The following PDE7B variants were observed in gnomAD, a reference collection of about 807,000 sequenced individuals.
The protein encoded by PDE7B is 3',5'-cyclic-AMP phosphodiesterase 7B.
PDE7B carries 29 observed loss-of-function variants against 56.2 expected under a neutral mutation model. The ratio of observed to expected loss-of-function variants is 0.52; its 90% CI spans 0.38 to 0.70. The LOEUF is 0.70. Ranked by LOEUF, PDE7B falls within the 30% of genes least tolerant of loss-of-function variation. The probability of loss-of-function intolerance (pLI) is 0.00; values close to 1 mark genes in which losing one functional copy is unlikely to be tolerated. For synonymous variants in PDE7B, 197 were observed against 196.9 expected (o/e 1.00, Z 0.00); for missense variants, 490 against 565.0 (o/e 0.87, Z 1.35).
chr6:136,130,089 A>G (rs1195797632), intron 3 of PDE7B, among the ~76,000 whole-genome samples: 1 of 152,140 alleles, frequency 6.6e-6, no homozygotes, highest in Admixed American at 6.5e-5. Context: ...CGTAAGAATA[A>G]AAACATTTTT....
At chr6:135,898,309 A>T (rs1368541934) in intron 1 of PDE7B, among the ~76,000 whole-genome samples, 1 of 152,232 alleles carries the variant, frequency 6.6e-6, no homozygotes, top group Non-Finnish European at 1.5e-5. Context: ...TAGTTGATGA[A>T]GTAATAAATA....
intron 2 of PDE7B, among the ~76,000 whole-genome samples, chr6:136,080,524 A>G (rs1462221305): frequency 6.6e-6 from 1 of 152,188 alleles, no homozygotes; most frequent in Non-Finnish European, 1.5e-5. Flanking sequence ...TGGGTCCCCA[A>G]AATGGTTCAG....
chr6:136,068,197 G>T (rs1028894720), intron 2 of PDE7B, among the ~76,000 whole-genome samples: 1 of 152,134 alleles, frequency 6.6e-6, no homozygotes. Context: ...GCTTGGTTTT[G>T]AGCATTTTAA....
At chr6:135,905,765 C>T (rs1252600227) in intron 1 of PDE7B, among the ~76,000 whole-genome samples, 3 of 152,082 alleles carry the variant, frequency 2.0e-5, no homozygotes, top group Non-Finnish European at 4.4e-5. Flanking sequence ...TGACGCTAAA[C>T]GCACTACGCA....
intron 1 of PDE7B, among the ~76,000 whole-genome samples, chr6:135,897,981 AGAAGG>A (rs1775933235): frequency 6.6e-6 from 1 of 152,190 alleles, no homozygotes; most frequent in Non-Finnish European, 1.5e-5. Context: ...TAAGGCATGA[AGAAGG>A]GAAGGAGGCT....
rs1775852101 is a variant in PDE7B at position 136,009,592 on chromosome 6, A to T, written c.82+62068A>T. ...ATTCCTAGGTATTTTATTCTCTTTG[A>T]AGCAATTGTGAATGGGCATTCACTC... is the stretch of plus-strand genomic sequence containing the variant. On this transcript the variant is annotated intron_variant, in intron 2 of 12. Coordinates refer to ENST00000308191, the MANE Select transcript of PDE7B (RefSeq NM_018945.4). Among the ~76,000 whole-genome samples, 3 of 152,042 alleles carry T rather than the reference A, an allele frequency of 2.0e-5. No homozygotes were observed. In the South Asian group the frequency reaches 6.2e-4, roughly 32 times the overall value.
chr6:135,957,959 C>A (rs568623553), intron 2 of PDE7B, among the ~76,000 whole-genome samples: 2 of 152,070 alleles, frequency 1.3e-5, no homozygotes, highest in African/African-American at 4.8e-5. Context: ...CCAGCCAGAA[C>A]AGTGGTTCAC....
chr6:136,081,003 T>A (rs1185937218), intron 2 of PDE7B, among the ~76,000 whole-genome samples: 2 of 152,056 alleles, frequency 1.3e-5, no homozygotes, highest in Admixed American at 1.3e-4. Flanking sequence ...GATAGAAATA[T>A]CCCAGCATAA....
chr6:136,086,369 G>GT (rs2128215655), intron 2 of PDE7B, among the ~76,000 whole-genome samples: 1 of 151,732 alleles, frequency 6.6e-6, no homozygotes, highest in African/African-American at 2.4e-5. Context: ...ATTTTTTGGG[G>GT]TGGGGGGGAT....
chr6:136,156,162 AGTGTGT>A (rs10625572), intron 8 of PDE7B: 5,646 of 251,932 alleles, frequency 0.022, 84 homozygotes, highest in African/African-American at 0.059. Flanking sequence ...GAATGATCCA[AGTGTGT>A]GTGTGTGTGT....
chr6:136,051,916 C>G (rs1159472664), intron 2 of PDE7B, among the ~76,000 whole-genome samples: 7 of 152,094 alleles, frequency 4.6e-5, no homozygotes, highest in African/African-American at 1.7e-4. Context: ...ATTTTCCTAA[C>G]TTCAGAACCA....
chr6:135,954,656 A>T (rs1244979324), intron 2 of PDE7B, among the ~76,000 whole-genome samples: 1 of 152,202 alleles, frequency 6.6e-6, no homozygotes, highest in Non-Finnish European at 1.5e-5. Context: ...ATTCTTGGGC[A>T]GATGGAGCAT....
At chr6:135,998,217 G>C (rs966153262) in intron 2 of PDE7B, among the ~76,000 whole-genome samples, 1 of 152,110 alleles carries the variant, frequency 6.6e-6, no homozygotes, top group Non-Finnish European at 1.5e-5. Flanking sequence ...TATTTACATA[G>C]TGAAAATAGA....
At chr6:136,174,327 CAG>C (rs1778943512) in intron 9 of PDE7B, among the ~76,000 whole-genome samples, 1 of 152,132 alleles carries the variant, frequency 6.6e-6, no homozygotes, top group African/African-American at 2.4e-5. Context: ...AAATAGAAGT[CAG>C]AAATTCTTTT....
chr6:136,165,008 A>G (rs1299334698), intron 8 of PDE7B, among the ~76,000 whole-genome samples: 1 of 152,194 alleles, frequency 6.6e-6, no homozygotes, highest in Non-Finnish European at 1.5e-5. Context: ...TTTTGTAACC[A>G]CTTATATTTA....
chr6:136,097,273 CTT>C (rs1376184905), intron 2 of PDE7B, among the ~76,000 whole-genome samples: 1 of 152,200 alleles, frequency 6.6e-6, no homozygotes, highest in East Asian at 1.9e-4. Context: ...TTTGAAATCT[CTT>C]GAGGGCATGT....
intron 1 of PDE7B, among the ~76,000 whole-genome samples, chr6:135,914,452 T>G (rs1776261901): frequency 6.6e-6 from 1 of 151,048 alleles, no homozygotes; most frequent in Non-Finnish European, 1.5e-5. Flanking sequence ...AGCAGATAGC[T>G]TTTTGGACTG....
At chr6:135,916,074 A>C (rs945632940) in intron 1 of PDE7B, among the ~76,000 whole-genome samples, 1 of 152,210 alleles carries the variant, frequency 6.6e-6, no homozygotes, top group Non-Finnish European at 1.5e-5. Flanking sequence ...TAGCTGGGGC[A>C]GAACTACACA....
intron 2 of PDE7B, among the ~76,000 whole-genome samples, chr6:136,097,674 GTCATCCTAAGTCTTTTCTTTAA>G (rs1276409307): frequency 1.3e-5 from 2 of 151,982 alleles, no homozygotes; most frequent in African/African-American, 4.8e-5. Flanking sequence ...ATTCTCTTAA[GTCATCCTAAGTCTTTTCTTTAA>G]TCATCCTAAG....
Sources: gnomAD v4.1 joint callset for allele counts (sites outside exome capture counted in the v4.1 genomes callset) on GRCh38, gnomAD v4.1.1 for gene constraint, MANE v1.5 for transcripts, NCBI Gene and HGNC (gene_info 2026-07-23, HGNC 2026-07-21) for gene names.